SASH3: variants seen among roughly 807,000 people sequenced by gnomAD.
SASH3 encodes SAM and SH3 domain-containing protein 3.
SASH3 carries 7 observed loss-of-function variants against 26.1 expected under a neutral mutation model. That is an observed-to-expected ratio of 0.27 (90% CI 0.15 to 0.50). The LOEUF is 0.50. SASH3 is among the 20% of genes least tolerant of loss of function. SASH3 has a pLI of 0.98. For missense variants in SASH3, 231 were observed against 318.3 expected (o/e 0.73, Z 2.09); for synonymous variants, 138 against 136.8 (o/e 1.01, Z -0.06).
Position 129,793,809 on chromosome X carries a change from C to T in SASH3, c.1120C>T (p.Leu374Phe). The T allele has an allele frequency of 8.4e-7, 1 of 1,192,650 alleles. No individual in the cohort carries two copies. Among genetic ancestry groups the T allele is most frequent in the Non-Finnish European group, 1.1e-6 (1 of 885,875 alleles). The change falls in exon 8 of 8, where the codon CTC becomes TTC. Residue 374 changes from leucine to phenylalanine, a missense_variant. Physicochemically the swap from Leu to Phe is conservative, Grantham distance 22. Coordinates refer to ENST00000356892, the MANE Select transcript of SASH3 (RefSeq NM_018990.4). Reference sequence around the variant, plus strand: ...AGGCACTGAGGAGCAGCTGCAAGGCCTCTCCCTGGCCGGGGCACCTTGAGG... The same window carrying T: ...AGGCACTGAGGAGCAGCTGCAAGGCTTCTCCCTGGCCGGGGCACCTTGAGG... ...LAGTEEQLQGLSLAGAP is the reference protein window; with the variant it reads ...LAGTEEQLQGFSLAGAP
rs1196861965 is a variant in SASH3 at position 129,794,698 on chromosome X, G to A, written c.*866G>A. 1 of 111,082 alleles carries A rather than the reference G, an allele frequency of 9.0e-6. No individual in the cohort carries two copies. Among genetic ancestry groups the A allele is most frequent in the African/African-American group, 3.3e-5 (1 of 30,536 alleles). 9.2% of individuals were successfully genotyped at this position (111,082 alleles called of 1,213,427 possible). A position where few individuals can be genotyped will look rare whatever the true frequency, so the allele number is the denominator to read the frequency against. On this transcript the variant is annotated 3_prime_UTR_variant, in exon 8 of 8. Coordinates refer to ENST00000356892, the MANE Select transcript of SASH3 (RefSeq NM_018990.4). ...ACAATGCCCATACCTCATACGATAT[G>A]CGCCCTCCCGTTCCATCCCTGGCCC...
In SASH3 at chrX:129,793,636, T is replaced by C. The variant is rs764436721; in HGVS notation, c.953-6T>C. ...ATATTCTGTCTCCCTCTCTCGTCCC[T>C]GGCAGCTGGCAGTGAGGAGGCTGAA... On this transcript the variant is annotated splice_region_variant and splice_polypyrimidine_tract_variant and intron_variant, in intron 7 of 7. Transcript: ENST00000356892. 1.1e-5 allele frequency: 13 copies of C among 1,209,695 alleles called. No homozygotes were observed. The highest frequency in any genetic ancestry group is 2.3e-4 in the Middle Eastern group (1 of 4,338).
intron 3 of SASH3, among the ~76,000 whole-genome samples, chrX:129,789,719 C>T (rs928595420): frequency 1.8e-5 from 2 of 111,847 alleles, no homozygotes; most frequent in Non-Finnish European, 3.8e-5. Flanking sequence ...AGCTGTGGGG[C>T]AGGCATGACC....
chrX:129,783,621 C>T (rs781749009), intron 1 of SASH3, among the ~76,000 whole-genome samples: 3 of 112,080 alleles, frequency 2.7e-5, no homozygotes, highest in African/African-American at 9.7e-5. Context: ...TGCGGGGCTG[C>T]GATGAGGCTG....
intron 4 of SASH3, among the ~76,000 whole-genome samples, chrX:129,791,331 A>G (rs1927227714): frequency 8.9e-6 from 1 of 112,105 alleles, no homozygotes; most frequent in Admixed American, 9.4e-5. Context: ...AAGATGACCC[A>G]GTCTTGAACT....
chrX:129,792,865 G>GT (rs764153895), intron 6 of SASH3, 29 bp downstream of exon 6: 36 of 1,175,635 alleles, frequency 3.1e-5, no homozygotes, highest in Non-Finnish European at 4.1e-5. Flanking sequence ...CTAGTATCTA[G>GT]TATCAGGGAG....
intron 1 of SASH3, among the ~76,000 whole-genome samples, chrX:129,781,608 C>A (rs1194862819): frequency 8.9e-6 from 1 of 112,530 alleles, no homozygotes; most frequent in African/African-American, 3.2e-5. Context: ...TGAGAAAGAG[C>A]TGACACTTTG....
At position 129,793,648 on chromosome X, in the gene SASH3, G is replaced by A. The variant is rs1379517201; in HGVS notation, c.959G>A (p.Ser320Asn). The A allele has an allele frequency of 8.3e-7, 1 of 1,211,146 alleles. No individual in the cohort carries two copies. The highest frequency in any genetic ancestry group is 1.1e-6 in the Non-Finnish European group (1 of 894,699). The change falls in exon 8 of 8, where the codon AGT (serine) becomes AAT (asparagine). Residue 320 changes from serine to asparagine, a missense_variant. Ser to Asn is a conservative substitution (Grantham distance 46). Transcript: ENST00000356892. ...CCTCTCTCGTCCCTGGCAGCTGGCA[G>A]TGAGGAGGCTGAAGAGGGCGCCGAG... ...AELLLDYDTG[S>N]EEAEEGAESS...
In SASH3 at chrX:129,784,095, C is replaced by T. The variant is rs964105870; in HGVS notation, c.58-3880C>T. Among the ~76,000 whole-genome samples the T allele has an allele frequency of 8.3e-5, 9 of 108,316 alleles. No homozygotes were observed. The East Asian group carries it at 1.1e-3, about 14-fold the overall frequency. 94.1% of individuals were successfully genotyped at this position (108,316 alleles called of 115,157 possible). A position where few individuals can be genotyped will look rare whatever the true frequency, so the allele number is the denominator to read the frequency against. On this transcript the variant is annotated intron_variant, in intron 1 of 7. Transcript: ENST00000356892. Reference sequence around the variant, plus strand: ...TCATGCCCCTGCCAGTTACTACACCCCCCCCTTCCCCCAGGGCAACCGCTA... The same window carrying T: ...TCATGCCCCTGCCAGTTACTACACCTCCCCCTTCCCCCAGGGCAACCGCTA...
At position 129,793,395 on chromosome X, in the gene SASH3, C is replaced by G. The variant is rs1403954639; in HGVS notation, c.953-247C>G. Among the ~76,000 whole-genome samples, 3 of 112,650 alleles carry G rather than the reference C, an allele frequency of 2.7e-5. No individual in the cohort carries two copies. In the East Asian group the frequency reaches 8.4e-4, roughly 31 times the overall value. On this transcript the variant is annotated intron_variant, in intron 7 of 7. Transcript: ENST00000356892. Reference sequence around the variant, plus strand: ...GAAGGCAAAGCCTTACTTGAGGCCTCAAAGCTGAGTAATAACAGAGCCAGG... The same window carrying G: ...GAAGGCAAAGCCTTACTTGAGGCCTGAAAGCTGAGTAATAACAGAGCCAGG...
In SASH3 at chrX:129,793,940, C is replaced by G; in HGVS notation, c.*108C>G. On this transcript the variant is annotated 3_prime_UTR_variant, in exon 8 of 8. Transcript: ENST00000356892. ...CCTGAGGACTGGCACTGAGCCTGGC[C>G]CTGCTTCCCCAGGGACACTTAGGGC... The G allele has an allele frequency of 1.3e-6, 1 of 769,604 alleles. No homozygotes were observed. The highest frequency in any genetic ancestry group is 1.9e-6 in the Non-Finnish European group (1 of 537,892). 63.4% of individuals were successfully genotyped at this position (769,604 alleles called of 1,213,427 possible).
chrX:129,783,086 C>T (rs1186892795), intron 1 of SASH3, among the ~76,000 whole-genome samples: 2 of 111,511 alleles, frequency 1.8e-5, no homozygotes, highest in Admixed American at 9.5e-5. Context: ...ATGACCCCCA[C>T]ACCCTGCCAG....
chrX:129,793,153 G>A lies in SASH3; in HGVS notation c.952+14G>A. 1 of 1,211,518 alleles carries A rather than the reference G, an allele frequency of 8.3e-7. No homozygotes were observed. The highest frequency in any genetic ancestry group is 1.1e-6 in the Non-Finnish European group (1 of 895,238). On this transcript the variant is annotated intron_variant, in intron 7 of 7. Transcript: ENST00000356892. ...TGGACTATGACAGTGAGTGGCTTTA[G>A]GAGCGGCCTGGTGAGGGTGTGTGCC...
intron 1 of SASH3, among the ~76,000 whole-genome samples, chrX:129,784,383 G>A (rs1054179901): frequency 1.8e-5 from 2 of 111,681 alleles, no homozygotes; most frequent in African/African-American, 6.5e-5. Flanking sequence ...GAGAAACTAC[G>A]GCTGACAGAG....
intron 2 of SASH3, 84 bp downstream of exon 2, chrX:129,788,154 G>A: frequency 3.9e-6 from 3 of 760,096 alleles, no homozygotes; most frequent in Admixed American, 6.0e-5. Context: ...GTGAAGAGGA[G>A]ATAGAATTGT....
At chrX:129,786,687 A>G (rs1297009683) in intron 1 of SASH3, among the ~76,000 whole-genome samples, 1 of 111,360 alleles carries the variant, frequency 9.0e-6, no homozygotes, top group East Asian at 2.8e-4. Context: ...TTGCATGTGC[A>G]TGCATATATA....
At position 129,788,494 on chromosome X, in the gene SASH3, G is replaced by A. The variant is rs1437178764; in HGVS notation, c.217G>A (p.Gly73Arg). 1.7e-6 allele frequency: 2 copies of A among 1,209,866 alleles called. No homozygotes were observed. The highest frequency in any genetic ancestry group is 3.5e-5 in the African/African-American group (2 of 57,223). Residue 73 changes from glycine (G) to arginine (R), a missense_variant, in exon 3 of 8, where the codon GGG (glycine) becomes AGG (arginine). Transcript: ENST00000356892. ...TGCTGGGAAGAGTGGCAAAAAGCTG[G>A]GGAAGAAGTGGAGGGCAGTGATTTC... The part of the protein sequence containing the change: ...EDAGKSGKKL[G>R]KKWRAVISRT...
chrX:129,780,105 G>A lies in SASH3; in HGVS notation c.8G>A (p.Arg3His), dbSNP rs150610485. Residue 3 changes from arginine to histidine, a missense_variant, in exon 1 of 8, where the codon CGC (arginine) becomes CAC (histidine). Arg to His is a conservative substitution (Grantham distance 29). Transcript: ENST00000356892. MLRRKPSNASEKE... is the reference protein window; with the variant it reads MLHRKPSNASEKE... Reference sequence around the variant, plus strand: ...CTCCCAGGGTGGAGGACCATGCTGCGCCGCAAGCCCTCCAATGCCAGTGAG... The same window carrying A: ...CTCCCAGGGTGGAGGACCATGCTGCACCGCAAGCCCTCCAATGCCAGTGAG... 12 of 1,209,026 alleles carry A rather than the reference G, an allele frequency of 9.9e-6. No homozygotes were observed. The highest frequency in any genetic ancestry group is 1.8e-5 in the African/African-American group (1 of 57,065).
At chrX:129,793,300 C>A (rs1279627559) in intron 7 of SASH3, among the ~76,000 whole-genome samples, 161 bp downstream of exon 7, 1 of 111,927 alleles carries the variant, frequency 8.9e-6, no homozygotes, top group Non-Finnish European at 1.9e-5. Context: ...GGAAAGTGTA[C>A]GGGAGAAAGG....
Sources: allele counts gnomAD v4.1 joint callset (sites outside exome capture counted in the v4.1 genomes callset), GRCh38; gene constraint gnomAD v4.1.1; transcripts MANE v1.5; gene names NCBI Gene and HGNC (gene_info 2026-07-23, HGNC 2026-07-21).